The following OR4K1 variants were observed in gnomAD, a reference collection of about 807,000 sequenced individuals.
OR4K1 encodes the protein olfactory receptor 4K1.
In OR4K1, 16 loss-of-function variants were observed where a neutral mutation model predicts 14.4. That is an observed-to-expected ratio of 1.11 (90% CI 0.75 to 1.68). The LOEUF (loss-of-function observed/expected upper bound fraction) is 1.68. Ranked by LOEUF, OR4K1 falls within the 40% of genes most tolerant of loss-of-function variation. The pLI is 0.00. For missense variants in OR4K1, 548 were observed against 376.9 expected, an observed-to-expected ratio of 1.45 and a Z score of -3.76; for synonymous variants, 181 against 133.1, an observed-to-expected ratio of 1.36 and a Z score of -2.48.
the OR4K1 span, chr14:19,921,003 G>A: frequency 5.6e-6 from 9 of 1,614,186 alleles, no homozygotes; most frequent in Admixed American, 1.2e-4. Flanking sequence ...CTTATACTAT[G>A]TGGTCATCAT....
chr14:19,936,381 A>C lies in OR4K1; in HGVS notation c.715A>C (p.Thr239Pro). Residue 239 changes from threonine (T) to proline (P), a missense_variant, in exon 2 of 2, where the codon ACA (threonine) becomes CCA (proline). Coordinates refer to ENST00000641172, the MANE Select transcript of OR4K1 (RefSeq NM_001004063.3). ...CAGTGGGTCATCTAAGGCTCTTTCT[A>C]CATTAACTGCCCACATCACAGTGGT... ...SSSGSSKALSTLTAHITVVIL... is the reference protein window; with the variant it reads ...SSSGSSKALSPLTAHITVVIL... 6.2e-7 allele frequency: 1 copy of C among 1,614,244 alleles called. No homozygotes were observed. Among genetic ancestry groups the C allele is most frequent in the East Asian group, 2.2e-5 (1 of 44,894 alleles).
At chr14:19,928,550 T>C (rs899284221), upstream of OR4K1, among the ~76,000 whole-genome samples, 11 of 152,196 alleles carry the variant, frequency 7.2e-5, no homozygotes, top group Non-Finnish European at 1.0e-4. Flanking sequence ...TTATTTTACA[T>C]TTCTCTAAAT....
At chr14:19,924,496 G>A in the OR4K1 span, among the ~76,000 whole-genome samples, 61 of 149,516 alleles carry the variant, frequency 4.1e-4, no homozygotes, top group Non-Finnish European at 7.1e-4. Context: ...TTTAATAATC[G>A]CCATCCTGAC....
intron 1 of OR4K1, among the ~76,000 whole-genome samples, chr14:19,932,479 A>G (rs1163907501): frequency 6.6e-6 from 1 of 152,212 alleles, no homozygotes; most frequent in Admixed American, 6.5e-5. Context: ...AACAAGTGAC[A>G]TCGCCATTTC....
chr14:19,932,524 A>C (rs1388158664), intron 1 of OR4K1, among the ~76,000 whole-genome samples: 1 of 152,234 alleles, frequency 6.6e-6, no homozygotes, highest in Non-Finnish European at 1.5e-5. Flanking sequence ...AAGTCAAGGA[A>C]CTGTTCATTC....
chr14:19,924,931 C>A, the OR4K1 span, among the ~76,000 whole-genome samples: 1 of 151,990 alleles, frequency 6.6e-6, no homozygotes, highest in African/African-American at 2.4e-5. Flanking sequence ...ACTGTAGAAT[C>A]CCACCTTAAA....
chr14:19,922,398 A>T, the OR4K1 span, among the ~76,000 whole-genome samples: 25 of 152,322 alleles, frequency 1.6e-4, no homozygotes, highest in Middle Eastern at 3.4e-3. Context: ...CCTTGGCCTT[A>T]AATTCTCTGA....
At chr14:19,921,760 CTG>C in the OR4K1 span, 2 of 653,294 alleles carry the variant, frequency 3.1e-6, no homozygotes, top group South Asian at 2.6e-5. Flanking sequence ...GGAAAAATCT[CTG>C]TTTAGATTAC....
At chr14:19,921,182 T>C in the OR4K1 span, 1 of 1,614,190 alleles carries the variant, frequency 6.2e-7, no homozygotes, top group Non-Finnish European at 8.5e-7. Context: ...GCCTGGACTC[T>C]TACATCATTG....
upstream of OR4K1, among the ~76,000 whole-genome samples, chr14:19,927,372 A>T (rs959015827): frequency 3.9e-5 from 6 of 152,246 alleles, no homozygotes; most frequent in African/African-American, 1.4e-4. Flanking sequence ...TTAGATGGAG[A>T]ATTGGTCATA....
rs1048385151 is a variant in OR4K1 at position 19,935,637 on chromosome 14, CT to C, written c.-19-3del. ...AATCATTGTGACATTTTTCTGATTT[CT>C]TTTTTTTAGGTAACTGAATATTGGA... On this transcript the variant is annotated splice_polypyrimidine_tract_variant and intron_variant, in intron 1 of 1. Coordinates refer to ENST00000641172, the MANE Select transcript of OR4K1 (RefSeq NM_001004063.3). 11 of 1,525,866 alleles carry C rather than the reference CT, an allele frequency of 7.2e-6. No homozygotes were observed. Among genetic ancestry groups the C allele is most frequent in the South Asian group, 2.5e-5 (2 of 78,602 alleles). 94.5% of individuals were successfully genotyped at this position (1,525,866 alleles called of 1,614,324 possible). A position where few individuals can be genotyped will look rare whatever the true frequency, so the allele number is the denominator to read the frequency against.
At chr14:19,933,954 A>C (rs1248326195) in intron 1 of OR4K1, among the ~76,000 whole-genome samples, 1 of 152,262 alleles carries the variant, frequency 6.6e-6, no homozygotes, top group Non-Finnish European at 1.5e-5. Flanking sequence ...AAAGTGTAGG[A>C]TATAGTGCTC....
In OR4K1 at chr14:19,936,473, ATTTC is replaced by A; in HGVS notation, c.813_816del (p.Ser272CysfsTer10). The A allele has an allele frequency of 1.2e-6, 2 of 1,613,930 alleles. No homozygotes were observed. Among genetic ancestry groups the A allele is most frequent in the Non-Finnish European group, 1.7e-6 (2 of 1,180,020 alleles). On this transcript the variant is annotated frameshift_variant, in exon 2 of 2. Coordinates refer to ENST00000641172, the MANE Select transcript of OR4K1 (RefSeq NM_001004063.3). LOFTEE classifies it high-confidence loss of function. ...CTTTTAGCAGACTTCCTGTGGACAA[ATTTC>A]TTTCTGTGTTCTACACTGTTTGTAC... is the stretch of plus-strand genomic sequence containing the variant.
chr14:19,921,479 T>C, the OR4K1 span: 19 of 1,613,930 alleles, frequency 1.2e-5, no homozygotes, highest in Admixed American at 1.0e-4. Context: ...CACTAAGGAA[T>C]AGGGATATGA....
At chr14:19,928,638 G>A, upstream of OR4K1, among the ~76,000 whole-genome samples, 1 of 152,102 alleles carries the variant, frequency 6.6e-6, no homozygotes, top group South Asian at 2.1e-4. Flanking sequence ...TCTACTTTAA[G>A]TATGTTTACT....
Position 19,935,931 on chromosome 14 carries a change from C to T in OR4K1, c.265C>T (p.Arg89Cys), listed in dbSNP as rs147602385. 1.7e-4 allele frequency: 268 copies of T among 1,614,044 alleles called. 1 individual carries two copies. The highest frequency in any genetic ancestry group is 6.6e-4 in the Middle Eastern group (4 of 6,056). ...GATGCTTGTAGACTTTTTTATTGAG[C>T]GCAAGACTATCTCCTTTGAGGGTTG... ...PKMLVDFFIE[R>C]KTISFEGCMA... The change falls in exon 2 of 2, where the codon CGC (arginine) becomes TGC (cysteine). Residue 89 changes from arginine (R) to cysteine (C), a missense_variant. Physicochemically the swap from Arg to Cys is radical, Grantham distance 180. Coordinates refer to ENST00000641172, the MANE Select transcript of OR4K1 (RefSeq NM_001004063.3).
chr14:19,928,953 G>T (rs1054485153), upstream of OR4K1, among the ~76,000 whole-genome samples: 1 of 151,752 alleles, frequency 6.6e-6, no homozygotes, highest in Admixed American at 6.6e-5. Context: ...TGTTGATTGT[G>T]GGTTTTTTTG....
intron 1 of OR4K1, among the ~76,000 whole-genome samples, chr14:19,932,963 AT>A (rs1882218097): frequency 8.4e-6 from 1 of 118,354 alleles, no homozygotes; most frequent in African/African-American, 2.9e-5. Flanking sequence ...AATAATATTT[AT>A]AACACTTATA....
chr14:19,929,505 T>A (rs1488578047), upstream of OR4K1, among the ~76,000 whole-genome samples: 1 of 152,020 alleles, frequency 6.6e-6, no homozygotes, highest in African/African-American at 2.4e-5. Context: ...TACTTCTGGT[T>A]ATTTTTCTCT....
Sources: allele counts gnomAD v4.1 joint callset (sites outside exome capture counted in the v4.1 genomes callset), GRCh38; gene constraint gnomAD v4.1.1; transcripts MANE v1.5; gene names NCBI Gene and HGNC (gene_info 2026-07-23, HGNC 2026-07-21).